The following TMEM161A variants were observed in gnomAD, a reference collection of about 807,000 sequenced individuals.
TMEM161A encodes the protein adaptive response to oxidative stress protein 29.
Under a neutral mutation model 57.1 loss-of-function variants are expected in TMEM161A, and 46 were observed. That is an observed-to-expected ratio of 0.81 (90% CI 0.64 to 1.03). The LOEUF (loss-of-function observed/expected upper bound fraction) is 1.03, where lower values mean the gene tolerates loss of function less well. TMEM161A is among the 50% of genes least tolerant of loss of function. TMEM161A has a pLI of 0.00. For synonymous variants in TMEM161A, 288 were observed against 279.0 expected, an observed-to-expected ratio of 1.03 and a Z score of -0.32; for missense variants, 601 against 621.5, an observed-to-expected ratio of 0.97 and a Z score of 0.35.
chr19:19,127,573 T>C (rs992620096), intron 6 of TMEM161A, among the ~76,000 whole-genome samples: 53 of 152,016 alleles, frequency 3.5e-4, no homozygotes, highest in Non-Finnish European at 4.9e-4. Flanking sequence ...CCGCCCGCCT[T>C]GGCCTCCCAA....
rs749959254 is a variant in TMEM161A, at chr19:19,121,570, G to A, written c.755C>T (p.Thr252Ile). The part of the protein sequence containing the change: ...LTFPGLRLAQ[T>I]HRDALTMSED... ...CGACATGGTCAGTGCGTCCCGGTGG[G>A]TCTGGGCCAGCCGCAGGCCTGGGAA... Residue 252 changes from threonine to isoleucine, a missense_variant, in exon 8 of 12, where the codon ACC becomes ATC. Physicochemically the swap from Thr to Ile is moderately conservative, Grantham distance 89. Coordinates refer to ENST00000162044, the MANE Select transcript of TMEM161A (RefSeq NM_017814.3). This position sits in a 1 kb window ranked among gnomAD's most constrained non-coding sequence, Gnocchi z 5.8. 6.2e-7 allele frequency: 1 copy of A among 1,613,936 alleles called. No individual in the cohort carries two copies. The highest frequency in any genetic ancestry group is 8.5e-7 in the Non-Finnish European group (1 of 1,179,972).
chr19:19,133,600 GA>G (rs1469799370), intron 2 of TMEM161A, among the ~76,000 whole-genome samples: 5 of 151,846 alleles, frequency 3.3e-5, no homozygotes, highest in African/African-American at 1.2e-4. Flanking sequence ...GCCTCCCGAG[GA>G]GCTGGGACTA....
rs2059962427 is a variant in TMEM161A at position 19,132,204 on chromosome 19, A to G, written c.443+148T>C. 2.2e-6 allele frequency: 2 copies of G among 895,430 alleles called. No homozygotes were observed. Among genetic ancestry groups the G allele is most frequent in the Admixed American group, 5.6e-5 (2 of 35,830 alleles). 55.5% of individuals were successfully genotyped at this position (895,430 alleles called of 1,614,324 possible). On this transcript the variant is annotated intron_variant, in intron 5 of 11. Coordinates refer to ENST00000162044, the MANE Select transcript of TMEM161A (RefSeq NM_017814.3). The surrounding 1 kb of genome is among the most constrained non-coding windows in gnomAD (Gnocchi z 4.3). Reference sequence around the variant, plus strand: ...CCAGTCTGTCCACCCACAGAGCTGGAGCACATAAAATGTCTGCTTCATGTC... The same window carrying G: ...CCAGTCTGTCCACCCACAGAGCTGGGGCACATAAAATGTCTGCTTCATGTC...
At chr19:19,135,217 G>A (rs1296569655) in intron 1 of TMEM161A, among the ~76,000 whole-genome samples, 1 of 152,106 alleles carries the variant, frequency 6.6e-6, no homozygotes, top group Non-Finnish European at 1.5e-5. Flanking sequence ...CTGGAAATGG[G>A]TGCTTCCTAT....
chr19:19,127,421 A>G (rs953910875), intron 6 of TMEM161A, among the ~76,000 whole-genome samples: 26 of 145,308 alleles, frequency 1.8e-4, no homozygotes, highest in African/African-American at 6.4e-4. Flanking sequence ...CTGGGTTCAC[A>G]CCATTCTCCT....
At chr19:19,122,032 C>T (rs558102202) in intron 6 of TMEM161A, among the ~76,000 whole-genome samples, 2 of 152,276 alleles carry the variant, frequency 1.3e-5, no homozygotes, top group East Asian at 3.9e-4. Context: ...GTGGTTCACG[C>T]CTGTAATCCC....
At position 19,121,781 on chromosome 19, in the gene TMEM161A, T is replaced by G; in HGVS notation, c.634A>C (p.Lys212Gln). Reference sequence around the variant, plus strand: ...CACGCCCAGTCCCAGCCCTGCTTCTTCAGAAGTGGCTCTAAGTTCTGGGTC... The same window carrying G: ...CACGCCCAGTCCCAGCCCTGCTTCTGCAGAAGTGGCTCTAAGTTCTGGGTC... ...SMTQNLEPLL[K>Q]KQGWDWALPV... The change falls in exon 7 of 12, where the codon AAG becomes CAG. Residue 212 changes from lysine (K) to glutamine (Q), a missense_variant. Physicochemically the swap from Lys to Gln is moderately conservative, Grantham distance 53 (BLOSUM62 1). Coordinates refer to ENST00000162044, the MANE Select transcript of TMEM161A (RefSeq NM_017814.3). The surrounding 1 kb of genome is among the most constrained non-coding windows in gnomAD (Gnocchi z 5.8). The G allele has an allele frequency of 1.2e-6, 2 of 1,613,982 alleles. No homozygotes were observed. The highest frequency in any genetic ancestry group is 1.7e-6 in the Non-Finnish European group (2 of 1,179,988).
rs1002829057 is a variant in TMEM161A, at chr19:19,131,570, G to T, written c.443+782C>A. Among the ~76,000 whole-genome samples, 5 of 151,794 alleles carry T rather than the reference G, an allele frequency of 3.3e-5. No homozygotes were observed. In the East Asian group the frequency reaches 9.6e-4, roughly 29 times the overall value. ...GATGTAGTTTCGCTCTTGTCACCCAGGCTGGAGTGCAATAGCATGATCTTG... is the reference window on the plus strand; with the variant it reads ...GATGTAGTTTCGCTCTTGTCACCCATGCTGGAGTGCAATAGCATGATCTTG... On this transcript the variant is annotated intron_variant, in intron 5 of 11. Transcript: ENST00000162044.
In TMEM161A at chr19:19,132,836, G is replaced by T; in HGVS notation, c.189-82C>A. The T allele has an allele frequency of 8.6e-7, 1 of 1,159,606 alleles. No individual in the cohort carries two copies. Among genetic ancestry groups the T allele is most frequent in the Non-Finnish European group, 1.2e-6 (1 of 827,784 alleles). 71.8% of individuals were successfully genotyped at this position (1,159,606 alleles called of 1,614,324 possible). On this transcript the variant is annotated intron_variant, in intron 3 of 11. Transcript: ENST00000162044. This position sits in a 1 kb window ranked among gnomAD's most constrained non-coding sequence, Gnocchi z 4.3. ...CCACCCTCAGAGCTCAGAGCAGCTG[G>T]CCTGGAGACCATCTCTTTCCACAAC...
chr19:19,132,793 G>A lies in TMEM161A; in HGVS notation c.189-39C>T, dbSNP rs541580486. 6.5e-5 allele frequency: 96 copies of A among 1,472,274 alleles called. No homozygotes were observed. Among genetic ancestry groups the A allele is most frequent in the African/African-American group, 5.4e-4 (38 of 71,006 alleles). The allele number at this position is 1,472,274 out of a possible 1,614,324, so 91.2% of individuals were successfully genotyped here. On this transcript the variant is annotated intron_variant, in intron 3 of 11. Coordinates refer to ENST00000162044, the MANE Select transcript of TMEM161A (RefSeq NM_017814.3). The surrounding 1 kb of genome is among the most constrained non-coding windows in gnomAD (Gnocchi z 4.3). ...GACAAGCAAGAGGGACGGTGAGCAC[G>A]CATTCCACTGAGGCCAGCCACCCTC...
At position 19,121,884 on chromosome 19, in the gene TMEM161A, C is replaced by T. The variant is rs1190814157; in HGVS notation, c.596-65G>A. 9 of 1,562,420 alleles carry T rather than the reference C, an allele frequency of 5.8e-6. No individual in the cohort carries two copies. The highest frequency in any genetic ancestry group is 2.1e-4 in the Middle Eastern group (1 of 4,700). On this transcript the variant is annotated intron_variant, in intron 6 of 11. Coordinates refer to ENST00000162044, the MANE Select transcript of TMEM161A (RefSeq NM_017814.3). The surrounding 1 kb of genome is among the most constrained non-coding windows in gnomAD (Gnocchi z 5.8). ...TAGGGTCTCTAAGGCCACTCTGTTC[C>T]CTAACCCCCCATCCCTCAGGCATCC...
In TMEM161A at chr19:19,136,676, A is replaced by G. The variant is rs184578685; in HGVS notation, c.3+1750T>C. ...GTCTCAAAACAAAATAATAATAATA[A>G]TAAAATAAAAATACATAAAATAACA... On this transcript the variant is annotated intron_variant, in intron 1 of 11. Transcript: ENST00000162044. Among the ~76,000 whole-genome samples the G allele has an allele frequency of 2.0e-5, 3 of 152,240 alleles. No homozygotes were observed. The East Asian group carries it at 5.8e-4, about 29-fold the overall frequency.
chr19:19,120,597 C>T (rs566549895), intron 11 of TMEM161A, among the ~76,000 whole-genome samples, 168 bp downstream of exon 11: 409 of 152,122 alleles, frequency 2.7e-3, no homozygotes, highest in South Asian at 0.01. Context: ...CCAAGGCAAG[C>T]CCCACTCCAG....
Position 19,132,440 on chromosome 19 carries a change from A to G in TMEM161A, c.355T>C (p.Phe119Leu), listed in dbSNP as rs753495418. The G allele has an allele frequency of 1.2e-6, 2 of 1,614,178 alleles. No homozygotes were observed. Among genetic ancestry groups the G allele is most frequent in the Non-Finnish European group, 1.7e-6 (2 of 1,180,032 alleles). The change falls in exon 5 of 12, where the codon TTC (phenylalanine) becomes CTC (leucine). Residue 119 changes from phenylalanine to leucine, a missense_variant. Physicochemically the swap from Phe to Leu is conservative, Grantham distance 22. Transcript: ENST00000162044. The surrounding 1 kb of genome is among the most constrained non-coding windows in gnomAD (Gnocchi z 4.3). ...FAVYSGGVYL[F>L]TEAYYYMLGP... is the part of the protein sequence containing the mutation. ...AGCATGTAGTAGTAGGCCTCTGTGA[A>G]GAGGTACACGCCGCCCGAGTACACA...
intron 6 of TMEM161A, among the ~76,000 whole-genome samples, chr19:19,129,524 C>T (rs10415987): frequency 0.84 from 128,492 of 152,082 alleles, 54,420 homozygotes; most frequent in East Asian, 0.93. Flanking sequence ...GGCGGGCAGA[C>T]TGCTTGAGCT....
In TMEM161A at chr19:19,120,177, T is replaced by C. The variant is rs774389256; in HGVS notation, c.1193A>G (p.Tyr398Cys). The C allele has an allele frequency of 3.2e-6, 5 of 1,547,794 alleles. No homozygotes were observed. The South Asian group carries it at 4.8e-5, about 15-fold the overall frequency. ...CTLLLKTLGGYSWGLGPAPLL... is the reference protein window; with the variant it reads ...CTLLLKTLGGCSWGLGPAPLL... ...AGGAGCTGGGCCCAGGCCCCAGGAATAGCCTCCTAGGAGAAGAGGATGAAG... is the reference window on the plus strand; with the variant it reads ...AGGAGCTGGGCCCAGGCCCCAGGAACAGCCTCCTAGGAGAAGAGGATGAAG... The change falls in exon 12 of 12, where the codon TAT becomes TGT. Residue 398 changes from tyrosine to cysteine, a missense_variant. Transcript: ENST00000162044.
chr19:19,119,952 T>C lies in TMEM161A; in HGVS notation c.1418A>G (p.His473Arg), dbSNP rs1173142735. The C allele has an allele frequency of 6.4e-7, 1 of 1,559,762 alleles. No individual in the cohort carries two copies. Among genetic ancestry groups the C allele is most frequent in the South Asian group, 1.2e-5 (1 of 84,754 alleles). Residue 473 changes from histidine (H) to arginine (R), a missense_variant, in exon 12 of 12, where the codon CAC becomes CGC. By Grantham distance (29) the His-to-Arg change is conservative. Transcript: ENST00000162044. ...CAGCTAGGAGCCTGCCAAGTGCTGG[T>C]GGAAGTAGAGGCCGAAAAGGCTGGC... is the stretch of plus-strand genomic sequence containing the variant. ...LLASLFGLYF[H>R]QHLAGS
rs1383560841 is a variant in TMEM161A, at chr19:19,132,269, T to A, written c.443+83A>T. 2 of 1,494,586 alleles carry A rather than the reference T, an allele frequency of 1.3e-6. No individual in the cohort carries two copies. Among genetic ancestry groups the A allele is most frequent in the Non-Finnish European group, 1.8e-6 (2 of 1,109,632 alleles). The allele number at this position is 1,494,586 out of a possible 1,614,324, so 92.6% of individuals were successfully genotyped here. ...AGTTTGTGGCACAGCAGGTGAAAAC[T>A]GCCACACCAGTTTAGGGGAGCCAGG... On this transcript the variant is annotated intron_variant, in intron 5 of 11. Coordinates refer to ENST00000162044, the MANE Select transcript of TMEM161A (RefSeq NM_017814.3). The surrounding 1 kb of genome is among the most constrained non-coding windows in gnomAD (Gnocchi z 4.3).
At chr19:19,123,733 G>C (rs2059920070) in intron 6 of TMEM161A, among the ~76,000 whole-genome samples, 1 of 152,118 alleles carries the variant, frequency 6.6e-6, no homozygotes, top group Non-Finnish European at 1.5e-5. Context: ...AGCTAGAAAG[G>C]CTATACTACT....
Sources: gnomAD v4.1 joint callset for allele counts (sites outside exome capture counted in the v4.1 genomes callset) on GRCh38, gnomAD v4.1.1 for gene constraint, Gnocchi (gnomAD v3.1) non-coding constraint, MANE v1.5 for transcripts, NCBI Gene and HGNC (gene_info 2026-07-23, HGNC 2026-07-21) for gene names.